The following CDH4 variants were observed in gnomAD, a reference collection of about 807,000 sequenced individuals.
CDH4 encodes cadherin 4.
Under a neutral mutation model 86.0 loss-of-function variants are expected in CDH4, and 33 were observed. The ratio of observed to expected loss-of-function variants is 0.38; its 90% confidence interval spans 0.29 to 0.51. CDH4 has a LOEUF of 0.51. Ranked by LOEUF, CDH4 falls within the 20% of genes least tolerant of loss-of-function variation. The pLI, the probability that CDH4 is intolerant of heterozygous loss-of-function variation, is 0.86. For synonymous variants in CDH4, 555 were observed against 549.4 expected (o/e 1.01, Z -0.14); for missense variants, 1,114 against 1,307.4 (o/e 0.85, Z 2.28).
Position 61,383,209 on chromosome 20 carries a change from AT to A in CDH4, c.169+128273del, listed in dbSNP as rs1426416380. On this transcript the variant is annotated intron_variant, in intron 2 of 15. Transcript: ENST00000614565. ...TATATATGAATATATTTATATATGA[AT>A]ATATATGAATATATTATATATATGA... is the stretch of plus-strand genomic sequence containing the variant. 2.6e-5 allele frequency among the ~76,000 whole-genome samples: 3 copies of A among 117,542 alleles called. 1 individual carries two copies. The highest frequency in any genetic ancestry group is 1.1e-4 in the African/African-American group (3 of 28,188). The allele number at this position is 117,542 out of a possible 152,430, so 77.1% of individuals were successfully genotyped here.
rs552801022 is a variant in CDH4 at position 61,364,472 on chromosome 20, C to T, written c.169+109535C>T. Among the ~76,000 whole-genome samples the T allele has an allele frequency of 6.6e-5, 10 of 152,314 alleles. No individual in the cohort carries two copies. The South Asian group carries it at 2.1e-3, about 32-fold the overall frequency. The stretch of plus-strand genomic sequence containing the variant: ...TACCTGGAGGGCTCCTCTGTAGCTG[C>T]TTCTGCAGATGGAGATCAGCTGCCT... On this transcript the variant is annotated intron_variant, in intron 2 of 15. Transcript: ENST00000614565.
chr20:61,646,435 C>A (rs2087061870), intron 2 of CDH4, among the ~76,000 whole-genome samples: 1 of 152,206 alleles, frequency 6.6e-6, no homozygotes, highest in Non-Finnish European at 1.5e-5. Flanking sequence ...GCACAGTGAT[C>A]ACCGGCTGTG....
At chr20:61,692,198 T>G (rs2087664738) in intron 2 of CDH4, among the ~76,000 whole-genome samples, 1 of 147,012 alleles carries the variant, frequency 6.8e-6, no homozygotes, top group Admixed American at 6.7e-5. Context: ...TGTATATGTT[T>G]GTGTGTATGT....
intron 2 of CDH4, among the ~76,000 whole-genome samples, chr20:61,264,370 GC>G (rs1310952914): frequency 6.6e-6 from 1 of 151,716 alleles, no homozygotes; most frequent in East Asian, 1.9e-4. Context: ...TATCTCAGTG[GC>G]TCCTTCATTC....
At chr20:61,380,542 A>T (rs1462666304) in intron 2 of CDH4, among the ~76,000 whole-genome samples, 1 of 98,156 alleles carries the variant, frequency 1.0e-5, no homozygotes. Context: ...GCCCCCTCCC[A>T]CCTGTTTTCA....
At chr20:61,928,134 G>A (rs575158533) in intron 11 of CDH4, 56 bp from the exon 12 acceptor site, 1 of 1,322,590 alleles carries the variant, frequency 7.6e-7, no homozygotes, top group South Asian at 1.2e-5. Context: ...TGGAGCTGTG[G>A]GTTGGTCATG....
chr20:61,793,863 G>A (rs1388886960), intron 4 of CDH4, among the ~76,000 whole-genome samples: 18 of 147,276 alleles, frequency 1.2e-4, no homozygotes, highest in Non-Finnish European at 2.5e-4. Context: ...AAGAGGCCAG[G>A]TACGGTGGCT....
At chr20:61,865,076 C>A (rs1027867628) in intron 6 of CDH4, among the ~76,000 whole-genome samples, 1 of 152,152 alleles carries the variant, frequency 6.6e-6, no homozygotes, top group African/African-American at 2.4e-5. Flanking sequence ...ATGCCCCGAC[C>A]CCTGCCTGGC....
chr20:61,422,647 C>T (rs990841800), intron 2 of CDH4, among the ~76,000 whole-genome samples: 8 of 152,090 alleles, frequency 5.3e-5, no homozygotes, highest in Admixed American at 4.6e-4. Flanking sequence ...GGAGAACTTA[C>T]GGATCTGGCT....
At chr20:61,454,369 G>A (rs1430498102) in intron 2 of CDH4, among the ~76,000 whole-genome samples, 2 of 152,128 alleles carry the variant, frequency 1.3e-5, no homozygotes, top group Non-Finnish European at 2.9e-5. Context: ...AGGGGCACCC[G>A]GGTCAAACAC....
At chr20:61,357,124 G>A (rs889390430) in intron 2 of CDH4, among the ~76,000 whole-genome samples, 27 of 152,174 alleles carry the variant, frequency 1.8e-4, no homozygotes, top group African/African-American at 5.8e-4. Flanking sequence ...TGGCCATGCC[G>A]CCATCTTGGG....
chr20:61,474,263 C>A (rs998268376), intron 2 of CDH4, among the ~76,000 whole-genome samples: 1 of 139,982 alleles, frequency 7.1e-6, no homozygotes, highest in Admixed American at 8.0e-5. Context: ...CTGGTTCAAG[C>A]AATTTCCCTG....
rs572389487 is a variant in CDH4, at chr20:61,627,569, T to C, written c.170-115994T>C. ...CAGATGTGCCCGCATGGAGAGCTCT[T>C]TGTGTCGACCATGACTGCTTTTTGT... On this transcript the variant is annotated intron_variant, in intron 2 of 15. Transcript: ENST00000614565. Among the ~76,000 whole-genome samples, 24 of 152,250 alleles carry C rather than the reference T, an allele frequency of 1.6e-4. No homozygotes were observed. In the South Asian group the frequency reaches 4.1e-3, roughly 26 times the overall value.
At chr20:61,373,757 G>A (rs1013810771) in intron 2 of CDH4, among the ~76,000 whole-genome samples, 7 of 152,300 alleles carry the variant, frequency 4.6e-5, no homozygotes, top group Admixed American at 2.6e-4. Flanking sequence ...GGTGCCATGC[G>A]GGTTGGCTGT....
intron 2 of CDH4, among the ~76,000 whole-genome samples, chr20:61,541,642 A>G (rs1408964366): frequency 1.3e-5 from 2 of 152,190 alleles, no homozygotes; most frequent in African/African-American, 2.4e-5. Context: ...ATCCCGGTGG[A>G]AGGCAGCATC....
intron 2 of CDH4, among the ~76,000 whole-genome samples, chr20:61,371,539 C>G (rs984665387): frequency 2.0e-5 from 3 of 152,246 alleles, no homozygotes; most frequent in Non-Finnish European, 2.9e-5. Context: ...CCCCAGACAG[C>G]TCGTTTTTCT....
chr20:61,296,446 A>C (rs1256839347), intron 2 of CDH4, among the ~76,000 whole-genome samples: 1 of 151,620 alleles, frequency 6.6e-6, no homozygotes, highest in Non-Finnish European at 1.5e-5. Flanking sequence ...GGCCTGCCTG[A>C]CCCTGGATCT....
At chr20:61,356,908 C>A (rs1426334544) in intron 2 of CDH4, among the ~76,000 whole-genome samples, 3 of 152,100 alleles carry the variant, frequency 2.0e-5, no homozygotes, top group Non-Finnish European at 4.4e-5. Flanking sequence ...TCACGTTTAG[C>A]CTCTTTCTCT....
At chr20:61,851,728 C>G (rs1013045312) in intron 5 of CDH4, among the ~76,000 whole-genome samples, 1 of 152,208 alleles carries the variant, frequency 6.6e-6, no homozygotes, top group African/African-American at 2.4e-5. Context: ...CTGCCGGCAG[C>G]GCCCAGCCTC....
Sources: allele counts gnomAD v4.1 joint callset (sites outside exome capture counted in the v4.1 genomes callset), GRCh38; gene constraint gnomAD v4.1.1; transcripts MANE v1.5; gene names NCBI Gene and HGNC (gene_info 2026-07-23, HGNC 2026-07-21).